AEBP1: variants seen among roughly 807,000 people sequenced by gnomAD.
AEBP1 encodes AE binding protein 1.
AEBP1 carries 69 observed loss-of-function variants against 116.5 expected under a neutral mutation model. That is an observed-to-expected ratio of 0.59 (90% CI 0.49 to 0.72). AEBP1 has a LOEUF of 0.72. AEBP1 is among the 30% of genes least tolerant of loss of function. The probability of loss-of-function intolerance (pLI) is 0.00; values close to 1 mark genes in which losing one functional copy is unlikely to be tolerated. For missense variants in AEBP1, 1,444 were observed against 1,557.5 expected (o/e 0.93, Z 1.23); for synonymous variants, 627 against 627.3 (o/e 1.00, Z 0.01).
chr7:44,114,237 C>T lies in AEBP1; in HGVS notation c.3453C>T (p.Tyr1151=). 1 of 1,614,050 alleles carries T rather than the reference C, an allele frequency of 6.2e-7. No homozygotes were observed. The highest frequency in any genetic ancestry group is 1.3e-5 in the African/African-American group (1 of 75,056). ...TCCCCTTCACAACAGTAGAGACCTACACAGTGAACTTTGGGGACTTCTGAG... is the reference window on the plus strand; with the variant it reads ...TCCCCTTCACAACAGTAGAGACCTATACAGTGAACTTTGGGGACTTCTGAG... The part of the protein sequence containing the change: ...QAFPFTTVET[Y]TVNFGDF The change falls in exon 21 of 21, where the codon TAC becomes TAT. Residue 1151 remains tyrosine, a synonymous_variant. Transcript: ENST00000223357.
Position 44,109,047 on chromosome 7 carries a change from C to T in AEBP1, c.1019-60C>T, listed in dbSNP as rs370460254. 6 of 1,611,102 alleles carry T rather than the reference C, an allele frequency of 3.7e-6. No homozygotes were observed. The African/African-American group carries it at 5.3e-5, about 14-fold the overall frequency. ...CACCTGGGGCCTGCCTGATCCACCCCACATGGTCCTCAAAGCCCAGAGCCA... is the reference window on the plus strand; with the variant it reads ...CACCTGGGGCCTGCCTGATCCACCCTACATGGTCCTCAAAGCCCAGAGCCA... On this transcript the variant is annotated intron_variant, in intron 7 of 20. Coordinates refer to ENST00000223357, the MANE Select transcript of AEBP1 (RefSeq NM_001129.5).
chr7:44,110,402 C>T (rs1583552905), intron 11 of AEBP1, 56 bp downstream of exon 11: 1 of 1,610,298 alleles, frequency 6.2e-7, no homozygotes, highest in Non-Finnish European at 8.5e-7. Context: ...ATAGGCATGG[C>T]TCTGTGTCCC....
At position 44,106,740 on chromosome 7, in the gene AEBP1, A is replaced by G. The variant is rs1352044510; in HGVS notation, c.448A>G (p.Thr150Ala). ...GCCCAAGGAGAAGCCACCCAAGGCC[A>G]CCAAGAAGCCCAAAGAGAAGCCACC... is the stretch of plus-strand genomic sequence containing the variant. ...KKPKEKPPKA[T>A]KKPKEKPPKA... Residue 150 changes from threonine to alanine, a missense_variant, in exon 2 of 21, where the codon ACC becomes GCC. By Grantham distance (58) the Thr-to-Ala change is moderately conservative. Coordinates refer to ENST00000223357, the MANE Select transcript of AEBP1 (RefSeq NM_001129.5). The G allele has an allele frequency of 4.3e-6, 7 of 1,612,164 alleles. No individual in the cohort carries two copies. Among genetic ancestry groups the G allele is most frequent in the Non-Finnish European group, 5.1e-6 (6 of 1,179,488 alleles).
Position 44,108,020 on chromosome 7 carries a change from GC to G in AEBP1, c.878del (p.Pro293LeufsTer15). On this transcript the variant is annotated frameshift_variant, in exon 6 of 21. Transcript: ENST00000223357. LOFTEE classifies it high-confidence loss of function. This position sits in a 1 kb window ranked among gnomAD's most constrained non-coding sequence, Gnocchi z 5.0. ...CCGCCTCCCCAGAGCCTCCTGTGAA[GC>G]CTCTGCTGCCCCCGCTGCCCCCTGA... ...PEERIEPPVKPLLPPLPPDYG... is the reference protein window; with the variant it reads ...PEERIEPPVKXLLPPLPPDYG... 1 of 1,592,166 alleles carries G rather than the reference GC, an allele frequency of 6.3e-7. No homozygotes were observed. Among genetic ancestry groups the G allele is most frequent in the East Asian group, 2.3e-5 (1 of 43,566 alleles).
rs1337105415 is a variant in AEBP1, at chr7:44,111,676, C to G, written c.1840+46C>G. On this transcript the variant is annotated intron_variant, in intron 15 of 20. Transcript: ENST00000223357. The surrounding 1 kb of genome is among the most constrained non-coding windows in gnomAD (Gnocchi z 4.7). ...GCAGCTGGCCTCTGCTGCTGATGTG[C>G]AGAGCTCACTGCCTCCCGCCTGTTC... 6.2e-7 allele frequency: 1 copy of G among 1,606,320 alleles called. No homozygotes were observed. The highest frequency in any genetic ancestry group is 1.3e-5 in the African/African-American group (1 of 74,486).
In AEBP1 at chr7:44,114,295, A is replaced by G. The variant is rs1243309841; in HGVS notation, c.*34A>G. 1 of 1,607,644 alleles carries G rather than the reference A, an allele frequency of 6.2e-7. No homozygotes were observed. On this transcript the variant is annotated 3_prime_UTR_variant, in exon 21 of 21. Transcript: ENST00000223357. Reference sequence around the variant, plus strand: ...TCCTACCAAGACCCCAGCCCAACTCAAGCTACAGCAGCAGCACTTCCCAAG... The same window carrying G: ...TCCTACCAAGACCCCAGCCCAACTCGAGCTACAGCAGCAGCACTTCCCAAG...
chr7:44,106,515 T>C, intron 1 of AEBP1, 31 bp from the exon 2 acceptor site: 1 of 1,553,798 alleles, frequency 6.4e-7, no homozygotes, highest in Non-Finnish European at 8.7e-7. Flanking sequence ...GCTGGCTCTG[T>C]TCATTTGACA....
At position 44,112,495 on chromosome 7, in the gene AEBP1, G is replaced by T; in HGVS notation, c.2218-63G>T. ...GTGTGAAGCTTCATGGAGGGTGATCGGGCTAGGTTGGGGATAGTGGCCGGA... is the reference window on the plus strand; with the variant it reads ...GTGTGAAGCTTCATGGAGGGTGATCTGGCTAGGTTGGGGATAGTGGCCGGA... On this transcript the variant is annotated intron_variant, in intron 17 of 20. Transcript: ENST00000223357. The surrounding 1 kb of genome is among the most constrained non-coding windows in gnomAD (Gnocchi z 6.6). 1 of 1,387,034 alleles carries T rather than the reference G, an allele frequency of 7.2e-7. No individual in the cohort carries two copies. Among genetic ancestry groups the T allele is most frequent in the South Asian group, 1.4e-5 (1 of 72,594 alleles). The allele number at this position is 1,387,034 out of a possible 1,614,324, so 85.9% of individuals were successfully genotyped here. A position where few individuals can be genotyped will look rare whatever the true frequency, so the allele number is the denominator to read the frequency against.
chr7:44,104,404 A>G lies in AEBP1; in HGVS notation c.-262A>G. 3.2e-6 allele frequency: 1 copy of G among 316,182 alleles called. No homozygotes were observed. Among genetic ancestry groups the G allele is most frequent in the Non-Finnish European group, 5.7e-6 (1 of 174,720 alleles). 19.6% of individuals were successfully genotyped at this position (316,182 alleles called of 1,614,324 possible). A position where few individuals can be genotyped will look rare whatever the true frequency, so the allele number is the denominator to read the frequency against. ...TGCGCCACGCGGGGCCGGAGCGCCT[A>G]TTAGCCGCCAGGACCTCGGAGCGCC... On this transcript the variant is annotated 5_prime_UTR_variant, in exon 1 of 21. Coordinates refer to ENST00000223357, the MANE Select transcript of AEBP1 (RefSeq NM_001129.5).
In AEBP1 at chr7:44,112,145, T is replaced by G; in HGVS notation, c.2041T>G (p.Ser681Ala). Residue 681 changes from serine to alanine, a missense_variant, in exon 17 of 21, where the codon TCA becomes GCA. Ser to Ala is a moderately conservative substitution (Grantham distance 99). Transcript: ENST00000223357. This position sits in a 1 kb window ranked among gnomAD's most constrained non-coding sequence, Gnocchi z 6.6. ...DGYEVAAQMG[S>A]EFGNWALGLW... ...CTACCCTGCTGGCTCCCCACAGGGC[T>G]CAGAGTTTGGGAACTGGGCGCTGGG... is the stretch of plus-strand genomic sequence containing the variant. The G allele has an allele frequency of 6.3e-7, 1 of 1,598,128 alleles. No homozygotes were observed. The highest frequency in any genetic ancestry group is 8.6e-7 in the Non-Finnish European group (1 of 1,168,414).
Position 44,113,317 on chromosome 7 carries a change from C to T in AEBP1, c.2775C>T (p.Ile925=). The T allele has an allele frequency of 6.2e-7, 1 of 1,613,530 alleles. No homozygotes were observed. Among genetic ancestry groups the T allele is most frequent in the Non-Finnish European group, 8.5e-7 (1 of 1,179,852 alleles). Residue 925 remains isoleucine (I), a synonymous_variant, in exon 20 of 21, where the codon ATC becomes ATT. Coordinates refer to ENST00000223357, the MANE Select transcript of AEBP1 (RefSeq NM_001129.5). The surrounding 1 kb of genome is among the most constrained non-coding windows in gnomAD (Gnocchi z 5.3). ...EQGIPIANAT[I]SVSGINHGVK... is the part of the protein sequence containing the mutation. ...GCATCCCCATTGCCAACGCCACCAT[C>T]TCTGTGAGTGGCATTAATCACGGCG...
intron 1 of AEBP1, chr7:44,106,234 G>A (rs142352981): frequency 1.1e-4 from 59 of 548,450 alleles, no homozygotes; most frequent in African/African-American, 9.5e-4. Context: ...TAGTGGAGGA[G>A]TGGATAGTAA....
In AEBP1 at chr7:44,107,690, C is replaced by CT; in HGVS notation, c.730dup (p.Tyr244LeufsTer2). On this transcript the variant is annotated frameshift_variant, in exon 4 of 21. Coordinates refer to ENST00000223357, the MANE Select transcript of AEBP1 (RefSeq NM_001129.5). LOFTEE classifies it high-confidence loss of function. This position sits in a 1 kb window ranked among gnomAD's most constrained non-coding sequence, Gnocchi z 4.3. ...ACAATGACCAGATCGAGAGGGAGGACTATGAGGACTGTGAGTAGGGTCCTG... is the reference window on the plus strand; with the variant it reads ...ACAATGACCAGATCGAGAGGGAGGACTTATGAGGACTGTGAGTAGGGTCCTG... 1 of 1,613,582 alleles carries CT rather than the reference C, an allele frequency of 6.2e-7. No homozygotes were observed. The highest frequency in any genetic ancestry group is 8.5e-7 in the Non-Finnish European group (1 of 1,179,956).
chr7:44,113,742 C>T lies in AEBP1; in HGVS notation c.2958C>T (p.Asn986=). 1 of 1,614,130 alleles carries T rather than the reference C, an allele frequency of 6.2e-7. No individual in the cohort carries two copies. The highest frequency in any genetic ancestry group is 1.3e-5 in the African/African-American group (1 of 75,036). ...TQCNFILARS[N]WKRIREIMAM... ...GCAACTTCATCCTGGCTCGCTCCAA[C>T]TGGAAGCGCATCCGGGAGATCATGG... Residue 986 remains asparagine (N), a synonymous_variant, in exon 21 of 21, where the codon AAC becomes AAT. Coordinates refer to ENST00000223357, the MANE Select transcript of AEBP1 (RefSeq NM_001129.5). This position sits in a 1 kb window ranked among gnomAD's most constrained non-coding sequence, Gnocchi z 5.3.
intron 1 of AEBP1, 56 bp from the exon 2 acceptor site, chr7:44,106,490 T>A (rs1196214868): frequency 6.6e-7 from 1 of 1,505,086 alleles, no homozygotes; most frequent in Non-Finnish European, 8.9e-7. Context: ...GAGAGGGGCC[T>A]CATGGGGGCA....
Position 44,108,795 on chromosome 7 carries a change from C to T in AEBP1, c.941-104C>T. 1 of 1,057,090 alleles carries T rather than the reference C, an allele frequency of 9.5e-7. No individual in the cohort carries two copies. The highest frequency in any genetic ancestry group is 1.4e-6 in the Non-Finnish European group (1 of 714,462). The allele number at this position is 1,057,090 out of a possible 1,614,324, so 65.5% of individuals were successfully genotyped here. ...TCAGCTGTCCCCCATCTCCCGTCCT[C>T]CTCCCCTCTGGCGCGGTCCTGTCCT... On this transcript the variant is annotated intron_variant, in intron 6 of 20. Coordinates refer to ENST00000223357, the MANE Select transcript of AEBP1 (RefSeq NM_001129.5). The surrounding 1 kb of genome is among the most constrained non-coding windows in gnomAD (Gnocchi z 5.0).
chr7:44,112,265 C>T lies in AEBP1; in HGVS notation c.2161C>T (p.Arg721Trp), dbSNP rs750773968. ...TGAGGAGAGGAAATGGGTCCCCTACCGGGTCCCCAACAATAACTTGCCCAT... is the reference window on the plus strand; with the variant it reads ...TGAGGAGAGGAAATGGGTCCCCTACTGGGTCCCCAACAATAACTTGCCCAT... ...GAEERKWVPY[R>W]VPNNNLPIPE... is the part of the protein sequence containing the mutation. Residue 721 changes from arginine (R) to tryptophan (W), a missense_variant, in exon 17 of 21, where the codon CGG becomes TGG. Transcript: ENST00000223357. The surrounding 1 kb of genome is among the most constrained non-coding windows in gnomAD (Gnocchi z 6.6). 2 of 1,594,712 alleles carry T rather than the reference C, an allele frequency of 1.3e-6. No individual in the cohort carries two copies. Among genetic ancestry groups the T allele is most frequent in the Non-Finnish European group, 1.7e-6 (2 of 1,167,800 alleles).
Position 44,112,677 on chromosome 7 carries a change from T to C in AEBP1, c.2337T>C (p.Pro779=), listed in dbSNP as rs748107299. The change falls in exon 18 of 21, where the codon CCT becomes CCC. Residue 779 remains proline (P), a synonymous_variant. Coordinates refer to ENST00000223357, the MANE Select transcript of AEBP1 (RefSeq NM_001129.5). The surrounding 1 kb of genome is among the most constrained non-coding windows in gnomAD (Gnocchi z 6.6). ...VSYPYDMART[P]TQEQLLAAAM... ...ACCCCTACGATATGGCCCGCACGCC[T>C]ACCCAGGAGCAGCTGCTGGCCGCAG... 1.9e-6 allele frequency: 3 copies of C among 1,613,118 alleles called. No homozygotes were observed. Among genetic ancestry groups the C allele is most frequent in the East Asian group, 4.5e-5 (2 of 44,888 alleles).
In AEBP1 at chr7:44,114,523, G is replaced by A; in HGVS notation, c.*262G>A. Reference sequence around the variant, plus strand: ...CAGTGTTGGAGTAGGGGCAGAGGGAGGGAGCCAAGGTCACTCCAATAAAAC... The same window carrying A: ...CAGTGTTGGAGTAGGGGCAGAGGGAAGGAGCCAAGGTCACTCCAATAAAAC... On this transcript the variant is annotated 3_prime_UTR_variant, in exon 21 of 21. Coordinates refer to ENST00000223357, the MANE Select transcript of AEBP1 (RefSeq NM_001129.5). 1 of 617,178 alleles carries A rather than the reference G, an allele frequency of 1.6e-6. No homozygotes were observed. The highest frequency in any genetic ancestry group is 2.0e-5 in the South Asian group (1 of 48,890). 38.2% of individuals were successfully genotyped at this position (617,178 alleles called of 1,614,324 possible).
Sources: allele counts gnomAD v4.1 joint callset, GRCh38; gene constraint gnomAD v4.1.1; non-coding constraint Gnocchi (gnomAD v3.1); transcripts MANE v1.5; gene names NCBI Gene and HGNC (gene_info 2026-07-23, HGNC 2026-07-21).